ADAM18: variants seen among roughly 807,000 people sequenced by gnomAD.
ADAM18 encodes the protein ADAM metallopeptidase domain 18, also known as disintegrin and metalloproteinase domain-containing protein 18.
In ADAM18, 117 loss-of-function variants were observed where a neutral mutation model predicts 94.4. The observed-to-expected ratio is 1.24, with a 90% CI of 1.07 to 1.45. The LOEUF (loss-of-function observed/expected upper bound fraction) is 1.45, where lower values mean the gene tolerates loss of function less well. ADAM18 is among the 40% of genes most tolerant of loss of function. The pLI is 0.00. For missense variants in ADAM18, 936 were observed against 880.0 expected (o/e 1.06, Z -0.81); for synonymous variants, 327 against 291.6 (o/e 1.12, Z -1.24).
Position 39,663,864 on chromosome 8 carries a change from G to T in ADAM18, c.1300G>T (p.Gly434Ter), listed in dbSNP as rs1188841410. 11 of 1,611,692 alleles carry T rather than the reference G, an allele frequency of 6.8e-6. No homozygotes were observed. The highest frequency in any genetic ancestry group is 1.3e-5 in the African/African-American group (1 of 74,896). The change falls in exon 13 of 20, where the codon GGA (glycine) becomes TGA (stop). Residue 434 changes from glycine (G) to a stop codon, truncating the protein, a stop_gained. Coordinates refer to ENST00000265707, the MANE Select transcript of ADAM18 (RefSeq NM_014237.3). LOFTEE classifies it high-confidence loss of function. ...GAAGGGCTCAGTAAAATGTGGTTCT[G>T]GACCATGTTGTACATCAAAGTGTGA... ...KLKGSVKCGSGPCCTSKCELS... is the reference protein window; with the variant it reads ...KLKGSVKCGS
At chr8:39,693,864 C>T (rs1337881688) in intron 17 of ADAM18, among the ~76,000 whole-genome samples, 1 of 151,168 alleles carries the variant, frequency 6.6e-6, no homozygotes, top group Non-Finnish European at 1.5e-5. Context: ...TGAGTCTAAG[C>T]AAATTTGCAT....
chr8:39,594,493 G>A (rs1818677226), intron 2 of ADAM18, among the ~76,000 whole-genome samples: 1 of 151,894 alleles, frequency 6.6e-6, no homozygotes, highest in Admixed American at 6.6e-5. Flanking sequence ...CGTTTTCTTA[G>A]TGTAGGTTTG....
At chr8:39,632,175 T>C (rs1305703756) in intron 7 of ADAM18, among the ~76,000 whole-genome samples, 1 of 152,014 alleles carries the variant, frequency 6.6e-6, no homozygotes, top group Non-Finnish European at 1.5e-5. Context: ...TTTGCATTTA[T>C]GTATACATGT....
intron 7 of ADAM18, among the ~76,000 whole-genome samples, chr8:39,635,534 T>A (rs780298338): frequency 1.6e-3 from 251 of 152,212 alleles, no homozygotes; most frequent in Non-Finnish European, 2.7e-3. Flanking sequence ...TATATAATCA[T>A]AATATAGTAA....
rs1250514276 is a variant in ADAM18, at chr8:39,609,490, T to A, written c.273T>A (p.His91Gln). ...CTTTCTATACTGTTTTTCAGATGCA[T>A]TGCCATTACCAAGGATATGCTGCCG... is the stretch of plus-strand genomic sequence containing the variant. ...LHSVSPYFMMHCHYQGYAAEF... is the reference protein window; with the variant it reads ...LHSVSPYFMMQCHYQGYAAEF... Residue 91 changes from histidine (H) to glutamine (Q), a missense_variant, in exon 5 of 20, where the codon CAT (histidine) becomes CAA (glutamine). By Grantham distance (24) the His-to-Gln change is conservative. Transcript: ENST00000265707. The A allele has an allele frequency of 6.2e-7, 1 of 1,610,420 alleles. No homozygotes were observed. Among genetic ancestry groups the A allele is most frequent in the East Asian group, 2.2e-5 (1 of 44,776 alleles).
chr8:39,598,149 T>C (rs975424097), intron 2 of ADAM18, among the ~76,000 whole-genome samples: 2 of 152,204 alleles, frequency 1.3e-5, no homozygotes, highest in Non-Finnish European at 2.9e-5. Flanking sequence ...AATTGTTTTT[T>C]GGTTCCAGAA....
intron 2 of ADAM18, among the ~76,000 whole-genome samples, chr8:39,594,009 G>T (rs1354884773): frequency 6.6e-6 from 1 of 151,954 alleles, no homozygotes; most frequent in African/African-American, 2.4e-5. Flanking sequence ...GTCACCATTG[G>T]TGTTACATCT....
chr8:39,671,722 T>A (rs1414434202), intron 14 of ADAM18, among the ~76,000 whole-genome samples: 1 of 152,154 alleles, frequency 6.6e-6, no homozygotes, highest in African/African-American at 2.4e-5. Context: ...TAACACGAAG[T>A]GTATTCTCAT....
chr8:39,622,578 T>A (rs1198001792), intron 6 of ADAM18, among the ~76,000 whole-genome samples: 1 of 151,966 alleles, frequency 6.6e-6, no homozygotes, highest in African/African-American at 2.4e-5. Flanking sequence ...ATTTGTCTTG[T>A]GTGCTGTTAT....
intron 9 of ADAM18, 52 bp downstream of exon 9, chr8:39,637,755 T>G (rs775409625): frequency 9.8e-6 from 14 of 1,426,202 alleles, no homozygotes; most frequent in African/African-American, 1.5e-5. Context: ...TATTTTAAAT[T>G]GGTAATTTAG....
intron 16 of ADAM18, among the ~76,000 whole-genome samples, chr8:39,684,687 A>G (rs1463241495): frequency 1.3e-5 from 2 of 152,160 alleles, no homozygotes; most frequent in Non-Finnish European, 2.9e-5. Context: ...TCCACTGGGC[A>G]TTGCCCTAGT....
At chr8:39,622,782 A>G (rs1229873419) in intron 6 of ADAM18, among the ~76,000 whole-genome samples, 2 of 152,220 alleles carry the variant, frequency 1.3e-5, no homozygotes, top group Non-Finnish European at 2.9e-5. Context: ...GCACAGAGAT[A>G]AAAGATTTAG....
At chr8:39,607,825 C>A (rs902572054) in intron 3 of ADAM18, among the ~76,000 whole-genome samples, 2 of 143,774 alleles carry the variant, frequency 1.4e-5, no homozygotes, top group Admixed American at 1.4e-4. Flanking sequence ...TTTTTTTTTT[C>A]CCCCTAGCTA....
intron 1 of ADAM18, 144 bp downstream of exon 1, chr8:39,584,821 C>A (rs1420579025): frequency 2.1e-6 from 2 of 956,456 alleles, no homozygotes; most frequent in Non-Finnish European, 3.2e-6. Context: ...TCAGGGACAC[C>A]TTTCCACGCC....
At chr8:39,585,791 G>GA (rs989819725) in intron 2 of ADAM18, among the ~76,000 whole-genome samples, 1 of 151,818 alleles carries the variant, frequency 6.6e-6, no homozygotes, top group Non-Finnish European at 1.5e-5. Context: ...AAAAAGCAAA[G>GA]AAAAAATAAA....
rs866895834 is a variant in ADAM18 at position 39,632,266 on chromosome 8, T to A, written c.588+2827T>A. ...CTTGCTTGACTCTGCAGTACAATGT[T>A]AAATAGACTGATGTGTATATTCCTA... On this transcript the variant is annotated intron_variant, in intron 7 of 19. Coordinates refer to ENST00000265707, the MANE Select transcript of ADAM18 (RefSeq NM_014237.3). 5.8e-4 allele frequency among the ~76,000 whole-genome samples: 88 copies of A among 152,168 alleles called. 1 individual carries two copies. The highest frequency in any genetic ancestry group is 3.4e-3 in the Middle Eastern group (1 of 294).
At chr8:39,606,612 A>C (rs1241473640) in intron 3 of ADAM18, among the ~76,000 whole-genome samples, 1 of 152,220 alleles carries the variant, frequency 6.6e-6, no homozygotes, top group African/African-American at 2.4e-5. Flanking sequence ...CTCAAATTGC[A>C]TATAAGCCGT....
At position 39,723,915 on chromosome 8, in the gene ADAM18, T is replaced by C; in HGVS notation, c.2177+8T>C. ...GAATGCAGAGTATAATCGGTAAATA[T>C]GATATAGAATCAATGTATTAGGTTT... On this transcript the variant is annotated splice_region_variant and intron_variant, in intron 19 of 19. Coordinates refer to ENST00000265707, the MANE Select transcript of ADAM18 (RefSeq NM_014237.3). 6.9e-7 allele frequency: 1 copy of C among 1,443,500 alleles called. No individual in the cohort carries two copies. The highest frequency in any genetic ancestry group is 2.5e-5 in the East Asian group (1 of 39,866). The allele number at this position is 1,443,500 out of a possible 1,614,324, so 89.4% of individuals were successfully genotyped here.
chr8:39,684,615 G>T (rs1206387488), intron 16 of ADAM18, among the ~76,000 whole-genome samples: 1 of 152,170 alleles, frequency 6.6e-6, no homozygotes, highest in Admixed American at 6.5e-5. Flanking sequence ...TGAGGGGGCA[G>T]TTCTGTACTC....
Sources: gnomAD v4.1 joint callset for allele counts (sites outside exome capture counted in the v4.1 genomes callset) on GRCh38, gnomAD v4.1.1 for gene constraint, MANE v1.5 for transcripts, NCBI Gene and HGNC (gene_info 2026-07-23, HGNC 2026-07-21) for gene names.